Variants in ZNRF2 observed in about 807,000 individuals in gnomAD.
ZNRF2 encodes the protein E3 ubiquitin-protein ligase ZNRF2.
A neutral mutation model predicts 20.4 loss-of-function variants in ZNRF2; 16 were observed. That is an observed-to-expected ratio of 0.79 (90% CI 0.53 to 1.19). The LOEUF (loss-of-function observed/expected upper bound fraction) is 1.19, where lower values mean the gene tolerates loss of function less well. ZNRF2 is among the 50% of genes most tolerant of loss of function. The probability of loss-of-function intolerance (pLI) is 0.00; values close to 1 mark genes in which losing one functional copy is unlikely to be tolerated. For missense variants in ZNRF2, 363 were observed against 332.4 expected (o/e 1.09, Z -0.72); for synonymous variants, 178 against 144.9 (o/e 1.23, Z -1.64).
At chr7:30,293,813 A>G (rs376439868) in intron 1 of ZNRF2, among the ~76,000 whole-genome samples, 15 of 152,286 alleles carry the variant, frequency 9.8e-5, no homozygotes, top group African/African-American at 3.1e-4. Flanking sequence ...CGACGAAAAT[A>G]TTAGTGTGTC....
rs147357498 is a variant in ZNRF2, at chr7:30,319,039, G to C, written c.470-4603G>C. Among the ~76,000 whole-genome samples the C allele has an allele frequency of 6.7e-3, 1,016 of 152,148 alleles. 16 individuals carry two copies. Among genetic ancestry groups the C allele is most frequent in the African/African-American group, 0.023 (971 of 41,494 alleles). On this transcript the variant is annotated intron_variant, in intron 1 of 4. Transcript: ENST00000323037. ...AGGCAAGAGAATCACTTGAACCCAG[G>C]GGGTGGAGGTTGCAGTGAGCCAAGA...
chr7:30,328,682 A>G (rs567792963), intron 2 of ZNRF2, among the ~76,000 whole-genome samples: 1 of 152,330 alleles, frequency 6.6e-6, no homozygotes, highest in African/African-American at 2.4e-5. Flanking sequence ...CTAGCTCACC[A>G]AAACCTTCTT....
rs1798762218 is a variant in ZNRF2, at chr7:30,285,549, C to CCGCGGCG, written c.192_193insCGCGGCG (p.Ala65ArgfsTer60). ...CGCACCAGCCCAGCGCCTCCGGCGG[C>CCGCGGCG]GCCGCGGCGGCCGCGGCGGCCCCGG... On this transcript the variant is annotated frameshift_variant, in exon 1 of 5. Transcript: ENST00000323037. LOFTEE classifies it high-confidence loss of function. 1.0e-6 allele frequency: 1 copy of CCGCGGCG among 976,902 alleles called. No individual in the cohort carries two copies. Among genetic ancestry groups the CCGCGGCG allele is most frequent in the Non-Finnish European group, 1.2e-6 (1 of 826,822 alleles). The allele number at this position is 976,902 out of a possible 1,614,324, so 60.5% of individuals were successfully genotyped here.
chr7:30,330,665 A>G (rs1422124253), intron 2 of ZNRF2, among the ~76,000 whole-genome samples: 5 of 152,058 alleles, frequency 3.3e-5, no homozygotes, highest in African/African-American at 1.2e-4. Flanking sequence ...CTTCTGCCTT[A>G]TATACTACAT....
At chr7:30,357,482 T>A (rs1413275439) in intron 3 of ZNRF2, among the ~76,000 whole-genome samples, 1 of 152,220 alleles carries the variant, frequency 6.6e-6, no homozygotes, top group Non-Finnish European at 1.5e-5. Flanking sequence ...ACAAGGTTCA[T>A]GTTACAGTAG....
intron 3 of ZNRF2, among the ~76,000 whole-genome samples, chr7:30,357,436 C>G (rs1348383134): frequency 6.6e-6 from 1 of 152,058 alleles, no homozygotes; most frequent in Admixed American, 6.5e-5. Context: ...AACTGAATAA[C>G]AGTGATGTTT....
chr7:30,295,050 A>AGAGAGAGAGAGTGT (rs1412764480), intron 1 of ZNRF2, among the ~76,000 whole-genome samples: 16 of 38,282 alleles, frequency 4.2e-4, no homozygotes, highest in South Asian at 2.3e-3. Context: ...AGAGAGAGAG[A>AGAGAGAGAGAGTGT]GTGTGTGTGT....
chr7:30,300,207 G>A (rs1031111086), intron 1 of ZNRF2, among the ~76,000 whole-genome samples: 1 of 144,972 alleles, frequency 6.9e-6, no homozygotes, highest in Non-Finnish European at 1.5e-5. Flanking sequence ...GGAGTGCAGT[G>A]GCACAATCTT....
At chr7:30,329,586 C>T (rs1156286960) in intron 2 of ZNRF2, among the ~76,000 whole-genome samples, 2 of 152,172 alleles carry the variant, frequency 1.3e-5, no homozygotes, top group East Asian at 3.8e-4. Context: ...GCTTATTTCA[C>T]TTAACATAAT....
chr7:30,325,070 A>T (rs1311919563), intron 2 of ZNRF2, among the ~76,000 whole-genome samples: 2 of 152,140 alleles, frequency 1.3e-5, no homozygotes, highest in Admixed American at 1.3e-4. Flanking sequence ...AAATCTCTAG[A>T]TATTCCAAAA....
intron 1 of ZNRF2, among the ~76,000 whole-genome samples, chr7:30,294,060 C>A (rs1255404997): frequency 6.6e-6 from 1 of 151,832 alleles, no homozygotes; most frequent in East Asian, 1.9e-4. Flanking sequence ...GCTATATTGC[C>A]CAGGCAGGAT....
At chr7:30,361,079 G>C (rs1487722584) in intron 3 of ZNRF2, among the ~76,000 whole-genome samples, 1 of 152,186 alleles carries the variant, frequency 6.6e-6, no homozygotes, top group Non-Finnish European at 1.5e-5. Context: ...TTACCTGGTT[G>C]TAAAATAAGG....
chr7:30,286,288 G>A (rs1317447166), intron 1 of ZNRF2, among the ~76,000 whole-genome samples: 1 of 152,172 alleles, frequency 6.6e-6, no homozygotes, highest in African/African-American at 2.4e-5. Context: ...ACCATGTTTG[G>A]ACCGACTTTT....
chr7:30,357,642 A>G (rs1268289024), intron 3 of ZNRF2, among the ~76,000 whole-genome samples: 1 of 152,188 alleles, frequency 6.6e-6, no homozygotes, highest in Non-Finnish European at 1.5e-5. Context: ...CCCACAGACC[A>G]CCAGTTGGTT....
rs577539579 is a variant in ZNRF2, at chr7:30,316,041, C to A, written c.470-7601C>A. 7.2e-5 allele frequency among the ~76,000 whole-genome samples: 11 copies of A among 152,080 alleles called. No homozygotes were observed. The South Asian group carries it at 2.3e-3, about 32-fold the overall frequency. ...CTGTGGCTCACACCTGTAATCCCAG[C>A]ACTTTGGGAGGCCAAGGCGGGCAGA... On this transcript the variant is annotated intron_variant, in intron 1 of 4. Coordinates refer to ENST00000323037, the MANE Select transcript of ZNRF2 (RefSeq NM_147128.4).
chr7:30,315,573 A>G (rs539136042), intron 1 of ZNRF2, among the ~76,000 whole-genome samples: 2 of 152,190 alleles, frequency 1.3e-5, no homozygotes, highest in African/African-American at 4.8e-5. Context: ...AGTTGAGTCT[A>G]CCTGGCTTGG....
chr7:30,350,241 CG>C (rs1799942369), intron 2 of ZNRF2, among the ~76,000 whole-genome samples: 1 of 151,858 alleles, frequency 6.6e-6, no homozygotes, highest in Admixed American at 6.6e-5. Flanking sequence ...GCGAATTCAC[CG>C]AATTTCGATT....
chr7:30,286,720 G>T (rs1194162614), intron 1 of ZNRF2, among the ~76,000 whole-genome samples: 3 of 152,188 alleles, frequency 2.0e-5, no homozygotes, highest in Non-Finnish European at 2.9e-5. Flanking sequence ...AATAGTAAAT[G>T]AATCAAGACC....
chr7:30,362,849 G>C (rs992372950), intron 4 of ZNRF2, among the ~76,000 whole-genome samples: 3 of 152,178 alleles, frequency 2.0e-5, no homozygotes, highest in Non-Finnish European at 4.4e-5. Flanking sequence ...TGGGCATGGT[G>C]GCTCACACCT....
Sources: allele counts gnomAD v4.1 joint callset (sites outside exome capture counted in the v4.1 genomes callset), GRCh38; gene constraint gnomAD v4.1.1; transcripts MANE v1.5; gene names NCBI Gene and HGNC (gene_info 2026-07-23, HGNC 2026-07-21).